The following CASR variants were observed in gnomAD, a reference collection of about 807,000 sequenced individuals.
CASR encodes calcium sensing receptor.
A neutral mutation model predicts 69.1 loss-of-function variants in CASR; 23 were observed. That is an observed-to-expected ratio of 0.33 (90% CI 0.24 to 0.47). The LOEUF (loss-of-function observed/expected upper bound fraction) is 0.47, where lower values mean the gene tolerates loss of function less well. Ranked by LOEUF, CASR falls within the 20% of genes least tolerant of loss-of-function variation. The pLI is 1.00. For missense variants in CASR, 924 were observed against 1,356.1 expected, an observed-to-expected ratio of 0.68 and a Z score of 5.00; for synonymous variants, 541 against 544.7, an observed-to-expected ratio of 0.99 and a Z score of 0.10.
chr3:122,193,746 G>A (rs2073860747), intron 1 of CASR, among the ~76,000 whole-genome samples: 1 of 152,090 alleles, frequency 6.6e-6, no homozygotes, highest in Non-Finnish European at 1.5e-5. Flanking sequence ...AGAGAATCTT[G>A]GAGATTCTGC....
intron 1 of CASR, among the ~76,000 whole-genome samples, chr3:122,211,600 C>T (rs1323657591): frequency 6.6e-6 from 1 of 152,146 alleles, no homozygotes; most frequent in Admixed American, 6.5e-5. Context: ...CCCAGCTGCT[C>T]AGGAGGCTGA....
At chr3:122,195,402 GTTTTTTCTGACCCATATT>G (rs2073880195) in intron 1 of CASR, among the ~76,000 whole-genome samples, 1 of 152,136 alleles carries the variant, frequency 6.6e-6, no homozygotes, top group Non-Finnish European at 1.5e-5. Flanking sequence ...GTTCAAACGG[GTTTTTTCTGACCCATATT>G]TATGAACCAG....
intron 1 of CASR, among the ~76,000 whole-genome samples, chr3:122,238,628 AACC>A (rs2074352322): frequency 1.3e-5 from 2 of 152,208 alleles, no homozygotes; most frequent in African/African-American, 4.8e-5. Flanking sequence ...CCCATCTCCC[AACC>A]CCAGGTAACA....
At chr3:122,222,685 C>T (rs1280801640) in intron 1 of CASR, among the ~76,000 whole-genome samples, 1 of 152,090 alleles carries the variant, frequency 6.6e-6, no homozygotes, top group East Asian at 1.9e-4. Context: ...CAAAGATATT[C>T]TGGACGTAAA....
intron 6 of CASR, among the ~76,000 whole-genome samples, chr3:122,283,424 AC>A (rs1391303349): frequency 3.9e-5 from 6 of 152,230 alleles, no homozygotes; most frequent in Non-Finnish European, 7.3e-5. Flanking sequence ...GTTAAGTGAA[AC>A]AAGGGCCTCA....
At position 122,261,971 on chromosome 3, in the gene CASR, C is replaced by T. The variant is rs1356911586; in HGVS notation, c.936C>T (p.His312=). The change falls in exon 4 of 7, where the codon CAC becomes CAT. Residue 312 remains histidine, a synonymous_variant. Transcript: ENST00000639785. ...TGATCGCCATGCCTCAGTACTTCCA[C>T]GTGGTTGGCGGCACCATTGGATTCG... is the stretch of plus-strand genomic sequence containing the variant. ...SSLIAMPQYF[H]VVGGTIGFAL... is the part of the protein sequence containing the mutation. The T allele has an allele frequency of 6.2e-7, 1 of 1,614,188 alleles. No individual in the cohort carries two copies. Among genetic ancestry groups the T allele is most frequent in the Non-Finnish European group, 8.5e-7 (1 of 1,180,016 alleles).
chr3:122,275,913 C>G lies in CASR; in HGVS notation c.1479C>G (p.Asn493Lys). The change falls in exon 5 of 7, where the codon AAC becomes AAG. Residue 493 changes from asparagine (N) to lysine (K), a missense_variant. By Grantham distance (94) the Asn-to-Lys change is moderately conservative. Transcript: ENST00000639785. The part of the protein sequence containing the change: ...GDLVGNYSII[N>K]WHLSPEDGSI... Reference sequence around the variant, plus strand: ...TGGTGGGGAACTATTCCATCATCAACTGGCACCTCTCCCCAGAGGATGGCT... The same window carrying G: ...TGGTGGGGAACTATTCCATCATCAAGTGGCACCTCTCCCCAGAGGATGGCT... 1 of 1,613,896 alleles carries G rather than the reference C, an allele frequency of 6.2e-7. No homozygotes were observed. Among genetic ancestry groups the G allele is most frequent in the Non-Finnish European group, 8.5e-7 (1 of 1,179,744 alleles).
intron 4 of CASR, among the ~76,000 whole-genome samples, chr3:122,275,273 T>TA (rs1414426752): frequency 6.6e-6 from 1 of 152,196 alleles, no homozygotes; most frequent in Non-Finnish European, 1.5e-5. Flanking sequence ...CTGACAACAA[T>TA]AATGGCCGGG....
intron 1 of CASR, among the ~76,000 whole-genome samples, chr3:122,245,730 T>G (rs1380665691): frequency 2.6e-5 from 4 of 152,154 alleles, no homozygotes; most frequent in Admixed American, 6.5e-5. Context: ...AGATTAATTA[T>G]TAAAAATAAC....
chr3:122,221,635 C>T (rs2074172906), intron 1 of CASR, among the ~76,000 whole-genome samples: 1 of 152,196 alleles, frequency 6.6e-6, no homozygotes, highest in South Asian at 2.1e-4. Flanking sequence ...TCTATTGCCA[C>T]TAGAAAGATA....
intron 1 of CASR, among the ~76,000 whole-genome samples, chr3:122,210,156 C>T (rs754820579): frequency 7.2e-5 from 11 of 152,184 alleles, no homozygotes; most frequent in Non-Finnish European, 1.3e-4. Flanking sequence ...AAGTTGGAAA[C>T]ATTCCCCTTG....
At chr3:122,227,340 CG>C (rs2074233824) in intron 1 of CASR, among the ~76,000 whole-genome samples, 1 of 152,196 alleles carries the variant, frequency 6.6e-6, no homozygotes, top group Non-Finnish European at 1.5e-5. Flanking sequence ...TCAGGCATGG[CG>C]GGCTGCAGGT....
chr3:122,257,943 G>A (rs970784705), intron 3 of CASR, among the ~76,000 whole-genome samples: 2 of 152,108 alleles, frequency 1.3e-5, no homozygotes, highest in African/African-American at 2.4e-5. Context: ...ATGTATAAGC[G>A]GTCTCCACTT....
At chr3:122,274,324 T>C (rs929866822) in intron 4 of CASR, among the ~76,000 whole-genome samples, 3 of 152,282 alleles carry the variant, frequency 2.0e-5, no homozygotes, top group Non-Finnish European at 4.4e-5. Flanking sequence ...GTCTTGGAGC[T>C]ACTTATGGAT....
At chr3:122,227,860 T>C (rs985514232) in intron 1 of CASR, among the ~76,000 whole-genome samples, 1 of 152,236 alleles carries the variant, frequency 6.6e-6, no homozygotes, top group Non-Finnish European at 1.5e-5. Flanking sequence ...AACCTGTATG[T>C]GTACTCCCTG....
Position 122,286,702 on chromosome 3 carries a change from T to TGGCC in CASR, c.*1512_*1515dup, listed in dbSNP as rs1274033983. 1.3e-5 allele frequency: 2 copies of TGGCC among 152,200 alleles called. No homozygotes were observed. Among genetic ancestry groups the TGGCC allele is most frequent in the Non-Finnish European group, 2.9e-5 (2 of 68,058 alleles). The allele number at this position is 152,200 out of a possible 1,614,324, so 9.4% of individuals were successfully genotyped here. On this transcript the variant is annotated 3_prime_UTR_variant, in exon 7 of 7. Transcript: ENST00000639785. ...CCAGAAAGCTGGTCAGCCCCTCAGG[T>TGGCC]GGCCCAATGCCCTGTCTCCGCAGTG...
Position 122,254,164 on chromosome 3 carries a change from CCTTGCCCTGGAGAGACG to C in CASR, c.-25_-9del. 3 of 1,611,272 alleles carry C rather than the reference CCTTGCCCTGGAGAGACG, an allele frequency of 1.9e-6. No homozygotes were observed. The highest frequency in any genetic ancestry group is 2.5e-6 in the Non-Finnish European group (3 of 1,179,102). On this transcript the variant is annotated 5_prime_UTR_variant, in exon 2 of 7. Coordinates refer to ENST00000639785, the MANE Select transcript of CASR (RefSeq NM_000388.4). ...CCTCCAAACTCCTAGCTGTCTCATCCCTTGCCCTGGAGAGACGGCAGAACCATGGCATTTTATAGCTG... is the reference window on the plus strand; with the variant it reads ...CCTCCAAACTCCTAGCTGTCTCATCCGCAGAACCATGGCATTTTATAGCTG...
At chr3:122,268,254 TGTG>T (rs1409406414) in intron 4 of CASR, among the ~76,000 whole-genome samples, 1 of 152,252 alleles carries the variant, frequency 6.6e-6, no homozygotes, top group Non-Finnish European at 1.5e-5. Context: ...CTATATACTA[TGTG>T]CAGTAAATAT....
intron 5 of CASR, among the ~76,000 whole-genome samples, chr3:122,278,402 C>T (rs958639296): frequency 1.3e-5 from 2 of 152,076 alleles, no homozygotes; most frequent in Admixed American, 1.3e-4. Context: ...CCCAAGGGCC[C>T]TAACTTAGAC....
Sources: gnomAD v4.1 joint callset for allele counts (sites outside exome capture counted in the v4.1 genomes callset) on GRCh38, gnomAD v4.1.1 for gene constraint, MANE v1.5 for transcripts, NCBI Gene and HGNC (gene_info 2026-07-23, HGNC 2026-07-21) for gene names.